IRAK3: variants seen among roughly 807,000 people sequenced by gnomAD.
IRAK3 encodes the protein interleukin 1 receptor associated kinase 3.
In IRAK3, 57 loss-of-function variants were observed where a neutral mutation model predicts 56.6. The observed-to-expected ratio is 1.01, with a 90% CI of 0.81 to 1.26. The LOEUF (loss-of-function observed/expected upper bound fraction) is 1.26. IRAK3 is among the 50% of genes most tolerant of loss of function. IRAK3 has a pLI of 0.00. For missense variants in IRAK3, 703 were observed against 719.0 expected (o/e 0.98, Z 0.25); for synonymous variants, 258 against 255.7 (o/e 1.01, Z -0.09).
rs535435156 is a variant in IRAK3 at position 66,235,509 on chromosome 12, C to T, written c.887+7139C>T. On this transcript the variant is annotated intron_variant, in intron 8 of 11. Coordinates refer to ENST00000261233, the MANE Select transcript of IRAK3 (RefSeq NM_007199.3). ...GTGCGGCGCGGCGCGGGGCGAGACT[C>T]GAGCAGCTCGGGCAGCCGCCGCTCT... Among the ~76,000 whole-genome samples the T allele has an allele frequency of 7.2e-5, 11 of 151,968 alleles. No homozygotes were observed. In the East Asian group the frequency reaches 1.5e-3, roughly 21 times the overall value.
At chr12:66,228,518 AT>A in intron 8 of IRAK3, 148 bp downstream of exon 8, 1 of 670,534 alleles carries the variant, frequency 1.5e-6, no homozygotes, top group Non-Finnish European at 2.7e-6. Flanking sequence ...AAAATCCTAT[AT>A]TTTTATTAAT....
At chr12:66,206,000 C>T (rs2052554750) in intron 2 of IRAK3, among the ~76,000 whole-genome samples, 1 of 152,176 alleles carries the variant, frequency 6.6e-6, no homozygotes, top group African/African-American at 2.4e-5. Context: ...TTATGTATCA[C>T]ATTTTGTATT....
Position 66,228,279 on chromosome 12 carries a change from A to G in IRAK3, c.796A>G (p.Ile266Val). 1 of 1,614,164 alleles carries G rather than the reference A, an allele frequency of 6.2e-7. No individual in the cohort carries two copies. Among genetic ancestry groups the G allele is most frequent in the Non-Finnish European group, 8.5e-7 (1 of 1,179,996 alleles). The change falls in exon 8 of 12, where the codon ATT becomes GTT. Residue 266 changes from isoleucine to valine, a missense_variant. Transcript: ENST00000261233. ...VGDTAPLPWH[I>V]RIGILIGISK... ...TGACACGGCCCCACTCCCTTGGCACATTCGAATCGGTATATTAATAGGAAT... is the reference window on the plus strand; with the variant it reads ...TGACACGGCCCCACTCCCTTGGCACGTTCGAATCGGTATATTAATAGGAAT...
intron 5 of IRAK3, among the ~76,000 whole-genome samples, chr12:66,213,379 A>G (rs936693614): frequency 2.6e-5 from 4 of 152,220 alleles, no homozygotes; most frequent in African/African-American, 4.8e-5. Context: ...AGTCTATCTG[A>G]AAAGGTTACA....
In IRAK3 at chr12:66,253,682, G is replaced by C. The variant is rs2053124215; in HGVS notation, c.*5511G>C. ...CTTATAGACAAACATTAATTGGAAT[G>C]GGGGGTAAGGAGGTAGGAATGGCTT... On this transcript the variant is annotated 3_prime_UTR_variant, in exon 12 of 12. Transcript: ENST00000261233. 6.6e-6 allele frequency: 1 copy of C among 152,268 alleles called. No individual in the cohort carries two copies. Among genetic ancestry groups the C allele is most frequent in the Admixed American group, 6.5e-5 (1 of 15,292 alleles). The allele number at this position is 152,268 out of a possible 1,614,324, so 9.4% of individuals were successfully genotyped here.
chr12:66,194,609 C>T (rs1199797285), intron 1 of IRAK3, among the ~76,000 whole-genome samples: 2 of 152,124 alleles, frequency 1.3e-5, no homozygotes, highest in African/African-American at 4.8e-5. Flanking sequence ...GGGTGGATTG[C>T]TTGTGGTCAG....
At chr12:66,247,657 A>C in intron 11 of IRAK3, 38 bp from the exon 12 acceptor site, 1 of 1,272,518 alleles carries the variant, frequency 7.9e-7, no homozygotes, top group East Asian at 2.3e-5. Context: ...AAGATTATTC[A>C]AACTTAATTT....
chr12:66,212,083 C>A (rs1266741700), intron 5 of IRAK3, among the ~76,000 whole-genome samples: 5 of 149,344 alleles, frequency 3.3e-5, no homozygotes, highest in African/African-American at 1.2e-4. Context: ...TGCACTCCAG[C>A]CTGGGTGATA....
At chr12:66,204,438 T>A (rs1447565591) in intron 2 of IRAK3, among the ~76,000 whole-genome samples, 1 of 152,202 alleles carries the variant, frequency 6.6e-6, no homozygotes, top group African/African-American at 2.4e-5. Context: ...TACTACCCAT[T>A]CCACAGTAGC....
At chr12:66,211,714 A>G (rs1175122905) in intron 5 of IRAK3, 117 bp downstream of exon 5, 8 of 847,332 alleles carry the variant, frequency 9.4e-6, no homozygotes, top group Non-Finnish European at 1.5e-5. Flanking sequence ...AAATTTTATA[A>G]GTGGAAATAA....
intron 1 of IRAK3, among the ~76,000 whole-genome samples, chr12:66,190,933 C>T (rs2052393010): frequency 6.6e-6 from 1 of 152,236 alleles, no homozygotes; most frequent in African/African-American, 2.4e-5. Flanking sequence ...ACAGACATTT[C>T]TGGCATCAAA....
chr12:66,248,228 A>G lies in IRAK3; in HGVS notation c.*57A>G. 2 of 1,277,106 alleles carry G rather than the reference A, an allele frequency of 1.6e-6. No homozygotes were observed. Among genetic ancestry groups the G allele is most frequent in the Admixed American group, 1.7e-5 (1 of 57,294 alleles). The allele number at this position is 1,277,106 out of a possible 1,614,324, so 79.1% of individuals were successfully genotyped here. The stretch of plus-strand genomic sequence containing the variant: ...ATTGCATAGGCACCTGAGCATAGGT[A>G]TGACCTTGGGAAGACATTGGCTCCA... On this transcript the variant is annotated 3_prime_UTR_variant, in exon 12 of 12. Coordinates refer to ENST00000261233, the MANE Select transcript of IRAK3 (RefSeq NM_007199.3).
chr12:66,234,103 A>G (rs2052876100), intron 8 of IRAK3: 4 of 1,613,996 alleles, frequency 2.5e-6, no homozygotes, highest in Admixed American at 1.7e-5. Context: ...TATATGGAGA[A>G]TGGTCATTAG....
chr12:66,197,559 G>C, intron 1 of IRAK3: 1 of 985,388 alleles, frequency 1.0e-6, no homozygotes, highest in South Asian at 4.7e-5. Flanking sequence ...TCACCAGTTG[G>C]AAAAAGAGAA....
intron 6 of IRAK3, among the ~76,000 whole-genome samples, chr12:66,222,730 A>C (rs569331286): frequency 1.1e-4 from 17 of 152,290 alleles, no homozygotes; most frequent in African/African-American, 3.6e-4. Context: ...TCCTATTAGA[A>C]AATCAGCCTA....
intron 1 of IRAK3, among the ~76,000 whole-genome samples, chr12:66,201,829 A>T (rs1321632246): frequency 6.6e-6 from 1 of 152,212 alleles, no homozygotes; most frequent in East Asian, 1.9e-4. Flanking sequence ...GGGGAACAAA[A>T]CACCATTTCT....
intron 1 of IRAK3, among the ~76,000 whole-genome samples, chr12:66,198,400 C>T (rs2052475151): frequency 6.6e-6 from 1 of 152,210 alleles, no homozygotes; most frequent in African/African-American, 2.4e-5. Flanking sequence ...GTGTTGTCTT[C>T]ACTGTTTCTG....
chr12:66,218,974 C>T (rs2052704291), intron 6 of IRAK3, among the ~76,000 whole-genome samples: 1 of 152,142 alleles, frequency 6.6e-6, no homozygotes, highest in Non-Finnish European at 1.5e-5. Flanking sequence ...CTTCCAGGTT[C>T]ATCCATGTTG....
At position 66,196,118 on chromosome 12, in the gene IRAK3, T is replaced by C. The variant is rs374461281; in HGVS notation, c.133+6686T>C. Among the ~76,000 whole-genome samples, 4 of 152,260 alleles carry C rather than the reference T, an allele frequency of 2.6e-5. No homozygotes were observed. In the East Asian group the frequency reaches 5.8e-4, roughly 22 times the overall value. On this transcript the variant is annotated intron_variant, in intron 1 of 11. Transcript: ENST00000261233. ...CTATATATATATGTAAACATATATA[T>C]GTTTATTTGTTTATTCTTCATCTAG...
Sources: allele counts gnomAD v4.1 joint callset (sites outside exome capture counted in the v4.1 genomes callset), GRCh38; gene constraint gnomAD v4.1.1; transcripts MANE v1.5; gene names NCBI Gene and HGNC (gene_info 2026-07-23, HGNC 2026-07-21).